Variants in CACNA1S observed in about 807,000 individuals in gnomAD.
CACNA1S encodes calcium voltage-gated channel subunit alpha1 S.
In CACNA1S, 126 loss-of-function variants were observed where a neutral mutation model predicts 207.4. The observed-to-expected ratio is 0.61, with a 90% CI of 0.53 to 0.70. The LOEUF (loss-of-function observed/expected upper bound fraction) is 0.70. CACNA1S is among the 30% of genes least tolerant of loss of function. The probability of loss-of-function intolerance (pLI) is 0.00; values close to 1 mark genes in which losing one functional copy is unlikely to be tolerated. For missense variants in CACNA1S, 2,349 were observed against 2,422.8 expected (o/e 0.97, Z 0.64); for synonymous variants, 960 against 932.7 (o/e 1.03, Z -0.53).
chr1:201,050,268 A>C (rs1375196904), intron 34 of CACNA1S, 121 bp downstream of exon 34: 1 of 1,095,042 alleles, frequency 9.1e-7, no homozygotes, highest in African/African-American at 1.5e-5. Flanking sequence ...GAGACCTCAG[A>C]TAAATGAAGG....
Position 201,112,316 on chromosome 1 carries a change from A to G in CACNA1S, c.24T>C (p.Asp8=). The G allele has an allele frequency of 6.2e-7, 1 of 1,613,416 alleles. No homozygotes were observed. Among genetic ancestry groups the G allele is most frequent in the Non-Finnish European group, 8.5e-7 (1 of 1,179,696 alleles). The change falls in exon 1 of 44, where the codon GAT becomes GAC. Residue 8 remains aspartate (D), a synonymous_variant. Coordinates refer to ENST00000362061, the MANE Select transcript of CACNA1S (RefSeq NM_000069.3). MEPSSPQ[D]EGLRKKQPKK... is the part of the protein sequence containing the mutation. Reference sequence around the variant, plus strand: ...TGGGCTGTTTCTTCCTCAGGCCTTCATCCTGGGGTGAGGATGGCTCCATGG... The same window carrying G: ...TGGGCTGTTTCTTCCTCAGGCCTTCGTCCTGGGGTGAGGATGGCTCCATGG...
intron 10 of CACNA1S, 101 bp downstream of exon 10, chr1:201,083,060 TA>T: frequency 8.2e-7 from 1 of 1,219,206 alleles, no homozygotes; most frequent in Non-Finnish European, 1.2e-6. Flanking sequence ...TGTCAATATC[TA>T]ATTGACCTCT....
intron 39 of CACNA1S, 21 bp from the exon 40 acceptor site, chr1:201,043,552 A>C: frequency 6.2e-7 from 1 of 1,611,716 alleles, no homozygotes; most frequent in Non-Finnish European, 8.5e-7. Context: ...GGAGAAGAGC[A>C]GTGACTGGGG....
chr1:201,046,978 A>G, intron 38 of CACNA1S, 137 bp downstream of exon 38: 1 of 1,228,988 alleles, frequency 8.1e-7, no homozygotes, highest in Non-Finnish European at 1.2e-6. Context: ...CTGTCTTGAC[A>G]TTTTTTCACT....
intron 22 of CACNA1S, among the ~76,000 whole-genome samples, chr1:201,063,953 A>G (rs1049457911): frequency 4.6e-5 from 7 of 152,248 alleles, no homozygotes; most frequent in African/African-American, 1.4e-4. Flanking sequence ...CCACAGAGTC[A>G]AAAGCGACAT....
At position 201,043,408 on chromosome 1, in the gene CACNA1S, G is replaced by A. The variant is rs750382419; in HGVS notation, c.4921C>T (p.Pro1641Ser). Residue 1641 changes from proline (P) to serine (S), a missense_variant, in exon 40 of 44, where the codon CCT becomes TCT. Pro to Ser is a moderately conservative substitution (Grantham distance 74, BLOSUM62 -1). Transcript: ENST00000362061. ...TGTGGGAAGTCCTCCAAGAAGACAGGTGACTCCATCTCTTCCATCTCTATC... is the reference window on the plus strand; with the variant it reads ...TGTGGGAAGTCCTCCAAGAAGACAGATGACTCCATCTCTTCCATCTCTATC... ...AEIEMEEMES[P>S]VFLEDFPQDP... The A allele has an allele frequency of 6.2e-7, 1 of 1,614,194 alleles. No individual in the cohort carries two copies. Among genetic ancestry groups the A allele is most frequent in the Non-Finnish European group, 8.5e-7 (1 of 1,180,036 alleles).
chr1:201,109,716 C>CA (rs1350953989), intron 2 of CACNA1S, among the ~76,000 whole-genome samples: 10 of 152,164 alleles, frequency 6.6e-5, no homozygotes, highest in African/African-American at 1.9e-4. Context: ...CTTCAGATTC[C>CA]TGGATAAAAC....
intron 2 of CACNA1S, among the ~76,000 whole-genome samples, chr1:201,101,300 G>C (rs1347952254): frequency 6.6e-6 from 1 of 152,198 alleles, no homozygotes; most frequent in Admixed American, 6.5e-5. Context: ...ATCCCGGAGG[G>C]TGTCACATAA....
At position 201,091,954 on chromosome 1, in the gene CACNA1S, A is replaced by T. The variant is rs760602154; in HGVS notation, c.541+18T>A. The T allele has an allele frequency of 3.1e-6, 5 of 1,613,814 alleles. No homozygotes were observed. The Admixed American group carries it at 8.3e-5, about 27-fold the overall frequency. ...GAAGGGAGAGGAGAAAGGGGTCTGC[A>T]GGGACACTGCCACCCACTAGGCACC... On this transcript the variant is annotated intron_variant, in intron 4 of 43. Transcript: ENST00000362061.
chr1:201,091,492 C>T (rs1662231162), intron 5 of CACNA1S, 148 bp downstream of exon 5: 2 of 888,816 alleles, frequency 2.3e-6, no homozygotes, highest in South Asian at 2.7e-5. Flanking sequence ...TCCTCCAAGT[C>T]CCCCTTATCC....
rs112680586 is a variant in CACNA1S at position 201,077,819 on chromosome 1, C to T, written c.1619+60G>A. On this transcript the variant is annotated intron_variant, in intron 11 of 43. Transcript: ENST00000362061. ...CCTCAGGAAATGAGATGGGTGTAGA[C>T]CAGACCAGCCCGTGGTGCCTGCCGG... is the stretch of plus-strand genomic sequence containing the variant. 4,237 of 1,203,620 alleles carry T rather than the reference C, an allele frequency of 3.5e-3. 111 individuals are homozygous for T. The African/African-American group carries it at 0.053, about 15-fold the overall frequency. The allele number at this position is 1,203,620 out of a possible 1,614,324, so 74.6% of individuals were successfully genotyped here. A position where few individuals can be genotyped will look rare whatever the true frequency, so the allele number is the denominator to read the frequency against.
At chr1:201,088,033 C>A (rs1353948384) in intron 6 of CACNA1S, 104 bp from the exon 7 acceptor site, 3 of 775,308 alleles carry the variant, frequency 3.9e-6, no homozygotes, top group Admixed American at 2.0e-5. Context: ...AGGAGAGAAG[C>A]CACGCTGGGA....
In CACNA1S at chr1:201,109,203, C is replaced by G. The variant is rs113144001; in HGVS notation, c.258+961G>C. On this transcript the variant is annotated intron_variant, in intron 2 of 43. Transcript: ENST00000362061. ...GCGGAGGTTGCAGTGAGCCGAGAGC[C>G]GAGATCACACAGCCTGGGCAACAGA... Among the ~76,000 whole-genome samples the G allele has an allele frequency of 4.8e-5, 7 of 146,882 alleles. No homozygotes were observed. The East Asian group carries it at 1.4e-3, about 29-fold the overall frequency.
At chr1:201,056,082 C>CACACACACAT (rs1553249524) in intron 28 of CACNA1S, among the ~76,000 whole-genome samples, 2,881 of 150,502 alleles carry the variant, frequency 0.019, 59 homozygotes, top group South Asian at 0.032. Flanking sequence ...CACACACACA[C>CACACACACAT]ACACACACAC....
chr1:201,060,750 G>C lies in CACNA1S; in HGVS notation c.3322C>G (p.Gln1108Glu), dbSNP rs765685405. The change falls in exon 26 of 44, where the codon CAG becomes GAG. Residue 1108 changes from glutamine to glutamate, a missense_variant. By Grantham distance (29) the Gln-to-Glu change is conservative. Transcript: ENST00000362061. Reference protein sequence around the residue: ...LRCYIPKNPYQYQVWYIVTSS... With the variant: ...LRCYIPKNPYEYQVWYIVTSS... The stretch of plus-strand genomic sequence containing the variant: ...GTGACAATGTACCACACCTGGTACT[G>C]GTATGGGTTTTTGGGAATGTAGCAC... The C allele has an allele frequency of 2.2e-5, 36 of 1,614,180 alleles. No homozygotes were observed. Among genetic ancestry groups the C allele is most frequent in the Non-Finnish European group, 3.0e-5 (35 of 1,180,014 alleles).
At position 201,053,478 on chromosome 1, in the gene CACNA1S, G is replaced by T. The variant is rs376326495; in HGVS notation, c.3776C>A (p.Thr1259Lys). The T allele has an allele frequency of 1.9e-6, 3 of 1,614,016 alleles. No individual in the cohort carries two copies. Among genetic ancestry groups the T allele is most frequent in the Non-Finnish European group, 2.5e-6 (3 of 1,180,024 alleles). Reference protein sequence around the residue: ...RAEGVRTLLWTFIKSFQALPY... With the variant: ...RAEGVRTLLWKFIKSFQALPY... Reference sequence around the variant, plus strand: ...TTGCACCTGGAAGGACTTGATGAACGTCCACAGGAGGGTTCGCACTCCTTC... The same window carrying T: ...TTGCACCTGGAAGGACTTGATGAACTTCCACAGGAGGGTTCGCACTCCTTC... The change falls in exon 30 of 44, where the codon ACG (threonine) becomes AAG (lysine). Residue 1259 changes from threonine (T) to lysine (K), a missense_variant. By Grantham distance (78) the Thr-to-Lys change is moderately conservative (BLOSUM62 -1). Coordinates refer to ENST00000362061, the MANE Select transcript of CACNA1S (RefSeq NM_000069.3). This position sits in a 1 kb window ranked among gnomAD's most constrained non-coding sequence, Gnocchi z 5.1.
At chr1:201,092,137 AG>A in intron 3 of CACNA1S, 23 bp from the exon 4 acceptor site, 2 of 1,613,672 alleles carry the variant, frequency 1.2e-6, no homozygotes, top group Non-Finnish European at 1.7e-6. Flanking sequence ...AGAGGGAGAG[AG>A]GGGGTCCAGG....
At chr1:201,040,512 C>G in intron 42 of CACNA1S, 110 bp downstream of exon 42, 1 of 1,397,072 alleles carries the variant, frequency 7.2e-7, no homozygotes, top group Non-Finnish European at 1.0e-6. Flanking sequence ...CCCTTCTGTA[C>G]TGTTGGACAC....
intron 7 of CACNA1S, among the ~76,000 whole-genome samples, chr1:201,087,162 T>C (rs1012120492): frequency 6.6e-6 from 1 of 152,190 alleles, no homozygotes; most frequent in African/African-American, 2.4e-5. Context: ...ACCATTAGTA[T>C]TTAGTGCTTA....
Sources: gnomAD v4.1 joint callset for allele counts (sites outside exome capture counted in the v4.1 genomes callset) on GRCh38, gnomAD v4.1.1 for gene constraint, Gnocchi (gnomAD v3.1) non-coding constraint, MANE v1.5 for transcripts, NCBI Gene and HGNC (gene_info 2026-07-23, HGNC 2026-07-21) for gene names.